The following CCDC146 variants were observed in gnomAD, a reference collection of about 807,000 sequenced individuals.
CCDC146 encodes coiled-coil domain containing 146.
CCDC146 carries 92 observed loss-of-function variants against 119.3 expected under a neutral mutation model. That is an observed-to-expected ratio of 0.77 (90% CI 0.65 to 0.92). CCDC146 has a LOEUF of 0.92. CCDC146 is among the 40% of genes least tolerant of loss of function. CCDC146 has a pLI of 0.00. For synonymous variants in CCDC146, 372 were observed against 371.8 expected (o/e 1.00, Z -0.01); for missense variants, 1,000 against 1,103.0 (o/e 0.91, Z 1.32).
intron 2 of CCDC146, among the ~76,000 whole-genome samples, chr7:77,197,161 T>A: frequency 6.6e-6 from 1 of 152,210 alleles, no homozygotes; most frequent in Non-Finnish European, 1.5e-5. Flanking sequence ...AAGAACCTAA[T>A]GTTATAAAGC....
At chr7:77,282,347 A>G (rs1393321687) in intron 14 of CCDC146, 5 of 477,152 alleles carry the variant, frequency 1.0e-5, no homozygotes, top group Non-Finnish European at 1.9e-5. Flanking sequence ...GGTCAGCCTC[A>G]AAGTTGAGAG....
chr7:77,285,638 T>G (rs1005687765), intron 15 of CCDC146, among the ~76,000 whole-genome samples: 1 of 152,192 alleles, frequency 6.6e-6, no homozygotes. Flanking sequence ...TACCTGAGAT[T>G]ACACAGGTAT....
At chr7:77,235,628 C>T (rs1292209628) in intron 2 of CCDC146, among the ~76,000 whole-genome samples, 4 of 152,144 alleles carry the variant, frequency 2.6e-5, no homozygotes, top group African/African-American at 9.7e-5. Context: ...GTGTTTTGAT[C>T]ACCCAGCATA....
chr7:77,215,550 A>G (rs2150454816), intron 2 of CCDC146, among the ~76,000 whole-genome samples: 1 of 152,254 alleles, frequency 6.6e-6, no homozygotes, highest in Admixed American at 6.5e-5. Flanking sequence ...ATGCCTTTTT[A>G]ATGGACAGAA....
At chr7:77,199,693 C>T (rs200278643) in intron 2 of CCDC146, 231 of 1,614,144 alleles carry the variant, frequency 1.4e-4, no homozygotes, top group Non-Finnish European at 1.6e-4. Context: ...ATCCTTTGCT[C>T]TTTCATCTTT....
intron 2 of CCDC146, among the ~76,000 whole-genome samples, chr7:77,233,124 T>C (rs1479448177): frequency 6.6e-6 from 1 of 151,180 alleles, no homozygotes; most frequent in Non-Finnish European, 1.5e-5. Flanking sequence ...AATCTCACTC[T>C]GTCACCCAGG....
intron 1 of CCDC146, among the ~76,000 whole-genome samples, chr7:77,156,925 A>G (rs1393685888): frequency 3.3e-5 from 5 of 149,712 alleles, no homozygotes; most frequent in Non-Finnish European, 7.4e-5. Flanking sequence ...CCAGAGATAC[A>G]CTGACAGAAT....
At chr7:77,211,607 ATT>A (rs1562834517) in intron 2 of CCDC146, among the ~76,000 whole-genome samples, 2 of 150,728 alleles carry the variant, frequency 1.3e-5, no homozygotes, top group African/African-American at 4.9e-5. Context: ...TATTTTTTTT[ATT>A]TTTATTTATT....
chr7:77,245,894 T>A (rs1271874025), intron 4 of CCDC146, among the ~76,000 whole-genome samples: 2 of 152,014 alleles, frequency 1.3e-5, no homozygotes, highest in Admixed American at 6.5e-5. Flanking sequence ...AGTTTGCTCT[T>A]CTGTGGCAAC....
rs917372538 is a variant in CCDC146 at position 77,282,754 on chromosome 7, T to C, written c.2117T>C (p.Leu706Pro). The change falls in exon 15 of 19, where the codon CTG (leucine) becomes CCG (proline). Residue 706 changes from leucine (L) to proline (P), a missense_variant. Around this residue, in one of 2 missense-constraint regions of CCDC146, gnomAD observed 985 missense variants for 1,045.3 expected, o/e 0.94. Transcript: ENST00000285871. ...AAATTACTGCCAGCCAAGAGGTCCC[T>C]GGATGCCGACCTAGCTGTGCTCCAA... ...TQKLLPAKRS[L>P]DADLAVLQIQ... The C allele has an allele frequency of 1.9e-6, 3 of 1,614,064 alleles. No homozygotes were observed. The highest frequency in any genetic ancestry group is 3.3e-4 in the Middle Eastern group (2 of 6,084).
intron 2 of CCDC146, among the ~76,000 whole-genome samples, chr7:77,204,319 G>A (rs1290840117): frequency 6.6e-6 from 1 of 152,032 alleles, no homozygotes; most frequent in Non-Finnish European, 1.5e-5. Context: ...TAAATTTCAT[G>A]AAAAGAACTT....
In CCDC146 at chr7:77,196,205, G is replaced by T; in HGVS notation, c.156+28381G>T. 9.6e-7 allele frequency: 1 copy of T among 1,043,072 alleles called. No individual in the cohort carries two copies. 64.6% of individuals were successfully genotyped at this position (1,043,072 alleles called of 1,614,324 possible). On this transcript the variant is annotated intron_variant, in intron 2 of 18. Coordinates refer to ENST00000285871, the MANE Select transcript of CCDC146 (RefSeq NM_020879.3). The surrounding 1 kb of genome is among the most constrained non-coding windows in gnomAD (Gnocchi z 4.2). ...TTTAGCTATGAAAAATATGAAACAAGGCATATTCTAAAGTGCTGAAGGAAT... is the reference window on the plus strand; with the variant it reads ...TTTAGCTATGAAAAATATGAAACAATGCATATTCTAAAGTGCTGAAGGAAT...
intron 1 of CCDC146, among the ~76,000 whole-genome samples, chr7:77,151,669 T>C (rs900109173): frequency 1.6e-4 from 25 of 152,090 alleles, no homozygotes; most frequent in African/African-American, 5.8e-4. Context: ...TTTCCTCTCC[T>C]CCTCCTGGAC....
intron 2 of CCDC146, among the ~76,000 whole-genome samples, chr7:77,187,722 C>G (rs1313622873): frequency 6.6e-6 from 1 of 151,716 alleles, no homozygotes; most frequent in Non-Finnish European, 1.5e-5. Flanking sequence ...GAGACTATCA[C>G]TATGACTATT....
At chr7:77,283,942 A>C (rs1307035398) in intron 15 of CCDC146, among the ~76,000 whole-genome samples, 1 of 152,098 alleles carries the variant, frequency 6.6e-6, no homozygotes, top group African/African-American at 2.4e-5. Flanking sequence ...TTCTTCAGTA[A>C]GTGTAGTCAG....
chr7:77,248,740 A>G (rs1188771858), intron 4 of CCDC146, among the ~76,000 whole-genome samples: 3 of 152,268 alleles, frequency 2.0e-5, no homozygotes, highest in Non-Finnish European at 2.9e-5. Context: ...ACACGCAATT[A>G]TATCGAACTC....
Position 77,234,981 on chromosome 7 carries a change from A to T in CCDC146, c.157-1966A>T, listed in dbSNP as rs1792706645. ...GAAATGGTTTCATAATGCATTTAAC[A>T]TTTTTCTACCCTGATGCGGGTAGAA... On this transcript the variant is annotated intron_variant, in intron 2 of 18. Transcript: ENST00000285871. Among the ~76,000 whole-genome samples, 3 of 152,248 alleles carry T rather than the reference A, an allele frequency of 2.0e-5. No individual in the cohort carries two copies. The South Asian group carries it at 6.2e-4, about 32-fold the overall frequency.
chr7:77,231,337 T>C (rs1414294195), intron 2 of CCDC146, among the ~76,000 whole-genome samples: 1 of 152,188 alleles, frequency 6.6e-6, no homozygotes, highest in African/African-American at 2.4e-5. Flanking sequence ...AAGTTCTCAA[T>C]TTAATAAGGA....
intron 1 of CCDC146, among the ~76,000 whole-genome samples, chr7:77,132,813 T>TA: frequency 6.6e-6 from 1 of 152,126 alleles, no homozygotes. Flanking sequence ...ACTCACAAAC[T>TA]AAAAAAAGGG....
Sources: gnomAD v4.1 joint callset for allele counts (sites outside exome capture counted in the v4.1 genomes callset) on GRCh38, gnomAD v4.1.1 for gene constraint, gnomAD v4.1.1 regional missense constraint, Gnocchi (gnomAD v3.1) non-coding constraint, MANE v1.5 for transcripts, NCBI Gene and HGNC (gene_info 2026-07-23, HGNC 2026-07-21) for gene names.